The following ZSCAN30 variants were observed in gnomAD, a reference collection of about 807,000 sequenced individuals.
The protein encoded by ZSCAN30 is zinc finger and SCAN domain containing 30.
In ZSCAN30, 37 loss-of-function variants were observed where a neutral mutation model predicts 44.3. The ratio of observed to expected loss-of-function variants is 0.84; its 90% CI spans 0.64 to 1.10. The LOEUF is 1.10. Ranked by LOEUF, ZSCAN30 falls within the 50% of genes least tolerant of loss-of-function variation. The pLI is 0.00. For synonymous variants in ZSCAN30, 181 were observed against 204.6 expected, an observed-to-expected ratio of 0.88 and a Z score of 0.98; for missense variants, 549 against 582.6, an observed-to-expected ratio of 0.94 and a Z score of 0.59.
chr18:35,263,443 A>C, intron 3 of ZSCAN30, 70 bp downstream of exon 3: 1 of 1,588,382 alleles, frequency 6.3e-7, no homozygotes, highest in East Asian at 2.3e-5. Context: ...TGTCGTTAAG[A>C]AAATGAACCG....
chr18:35,272,152 G>A (rs868074357), intron 1 of ZSCAN30, among the ~76,000 whole-genome samples: 2 of 152,176 alleles, frequency 1.3e-5, no homozygotes, highest in Non-Finnish European at 2.9e-5. Context: ...GAGAGCGAGC[G>A]AGGGCTGCTA....
chr18:35,289,042 A>C (rs1023610523), intron 1 of ZSCAN30, among the ~76,000 whole-genome samples: 16 of 152,132 alleles, frequency 1.1e-4, no homozygotes, highest in African/African-American at 3.4e-4. Context: ...ATCTCGGCTC[A>C]CTGCAACCTC....
At chr18:35,268,612 G>C (rs889739627) in intron 1 of ZSCAN30, 1 of 152,198 alleles carries the variant, frequency 6.6e-6, no homozygotes, top group African/African-American at 2.4e-5. Context: ...TTGCTGCAGA[G>C]AGCCGAAAGA....
rs993809235 is a variant in ZSCAN30 at position 35,255,703 on chromosome 18, G to A, written c.554-1322C>T. ...AACACAACAATAAAGCACCACAATT[G>A]ATACCTGATCAAAGCAGAGGGTTGT... On this transcript the variant is annotated intron_variant, in intron 3 of 3. Transcript: ENST00000333206. 1.9e-5 allele frequency: 3 copies of A among 154,306 alleles called. No individual in the cohort carries two copies. In the Admixed American group the frequency reaches 2.0e-4, roughly 10 times the overall value. 9.6% of individuals were successfully genotyped at this position (154,306 alleles called of 1,614,324 possible). A position where few individuals can be genotyped will look rare whatever the true frequency, so the allele number is the denominator to read the frequency against.
chr18:35,287,767 G>A (rs1187323902), intron 1 of ZSCAN30, among the ~76,000 whole-genome samples: 1 of 151,556 alleles, frequency 6.6e-6, no homozygotes, highest in Non-Finnish European at 1.5e-5. Context: ...AGAGCCAATT[G>A]ATAAACTGTG....
At chr18:35,260,969 G>A (rs1186663520) in intron 3 of ZSCAN30, 1 of 152,096 alleles carries the variant, frequency 6.6e-6, no homozygotes, top group African/African-American at 2.4e-5. Context: ...TTTTACTAGG[G>A]ATTTTATAGT....
At position 35,271,512 on chromosome 18, in the gene ZSCAN30, T is replaced by A. The variant is rs192157175; in HGVS notation, c.-103-7057A>T. Among the ~76,000 whole-genome samples, 47 of 152,360 alleles carry A rather than the reference T, an allele frequency of 3.1e-4. 1 individual carries two copies. The highest frequency in any genetic ancestry group is 3.1e-3 in the Admixed American group (47 of 15,312). On this transcript the variant is annotated intron_variant, in intron 1 of 3. Coordinates refer to ENST00000333206, the MANE Select transcript of ZSCAN30 (RefSeq NM_001112734.4). ...CCTTGAACTAGACACAGAGTGCTGA[T>A]TGGTGCATATACAACTCTCTGGCTA...
At chr18:35,278,734 C>T (rs2044406999) in intron 1 of ZSCAN30, among the ~76,000 whole-genome samples, 1 of 152,214 alleles carries the variant, frequency 6.6e-6, no homozygotes, top group South Asian at 2.1e-4. Context: ...AAACAAGCTA[C>T]ACCTTCTACT....
At chr18:35,268,284 T>A (rs1354203711) in intron 1 of ZSCAN30, 2 of 152,244 alleles carry the variant, frequency 1.3e-5, no homozygotes, top group Non-Finnish European at 2.9e-5. Flanking sequence ...TGCAGGGTAT[T>A]CACATATAAC....
In ZSCAN30 at chr18:35,260,617, G is replaced by A. The variant is rs570912293; in HGVS notation, c.553+2896C>T. The A allele has an allele frequency of 3.9e-5, 6 of 152,320 alleles. No individual in the cohort carries two copies. In the South Asian group the frequency reaches 1.0e-3, roughly 26 times the overall value. 9.4% of individuals were successfully genotyped at this position (152,320 alleles called of 1,614,324 possible). ...TTGCATTTCTCTAATGATCAGTGAT[G>A]TTGAGCTATTTTTTATATATTTTTT... On this transcript the variant is annotated intron_variant, in intron 3 of 3. Transcript: ENST00000333206.
At chr18:35,270,036 G>A (rs1433480926) in intron 1 of ZSCAN30, 1 of 152,140 alleles carries the variant, frequency 6.6e-6, no homozygotes. Context: ...GGGGAGGGGA[G>A]AGTGATATAT....
chr18:35,254,565 A>G (rs1306594101), intron 3 of ZSCAN30, 184 bp from the exon 4 acceptor site: 9 of 1,009,808 alleles, frequency 8.9e-6, no homozygotes, highest in Non-Finnish European at 1.3e-5. Context: ...CCCCTTGGAG[A>G]GTAAGGTAGA....
intron 1 of ZSCAN30, among the ~76,000 whole-genome samples, chr18:35,266,507 G>C (rs1190519410): frequency 6.6e-6 from 1 of 152,120 alleles, no homozygotes; most frequent in Non-Finnish European, 1.5e-5. Context: ...CTTGTGACTA[G>C]AGGATGATGG....
chr18:35,271,318 G>T (rs184611944), intron 1 of ZSCAN30, among the ~76,000 whole-genome samples: 20 of 152,124 alleles, frequency 1.3e-4, no homozygotes, highest in African/African-American at 4.8e-4. Context: ...TGATTGGTGC[G>T]TTTACAATCC....
In ZSCAN30 at chr18:35,253,689, T is replaced by C; in HGVS notation, c.1246A>G (p.Ile416Val). 1 of 1,614,132 alleles carries C rather than the reference T, an allele frequency of 6.2e-7. No individual in the cohort carries two copies. Among genetic ancestry groups the C allele is most frequent in the Non-Finnish European group, 8.5e-7 (1 of 1,180,012 alleles). The change falls in exon 4 of 4, where the codon ATT (isoleucine) becomes GTT (valine). Residue 416 changes from isoleucine to valine, a missense_variant. Physicochemically the swap from Ile to Val is conservative, Grantham distance 29 (BLOSUM62 3). Coordinates refer to ENST00000333206, the MANE Select transcript of ZSCAN30 (RefSeq NM_001112734.4). ...IHTGDKSYEC[I>V]ACGKAFGRSS... The stretch of plus-strand genomic sequence containing the variant: ...CTACCAAAAGCCTTACCACATGCAA[T>C]ACATTCATAGCTTTTATCTCCAGTG...
At chr18:35,273,651 TAA>T in intron 1 of ZSCAN30, among the ~76,000 whole-genome samples, 1 of 152,228 alleles carries the variant, frequency 6.6e-6, no homozygotes. Context: ...GCAACCTTGT[TAA>T]AAATCAGTTG....
chr18:35,255,543 T>C (rs1164391094), intron 3 of ZSCAN30, among the ~76,000 whole-genome samples: 3 of 152,086 alleles, frequency 2.0e-5, no homozygotes, highest in Non-Finnish European at 4.4e-5. Flanking sequence ...GCCTTCCATA[T>C]TGGAAGGATG....
rs2044101981 is a variant in ZSCAN30 at position 35,264,340 on chromosome 18, C to T, written c.13G>A (p.Ala5Thr). 2.5e-6 allele frequency: 4 copies of T among 1,612,906 alleles called. No individual in the cohort carries two copies. The highest frequency in any genetic ancestry group is 2.2e-5 in the East Asian group (1 of 44,880). Reference sequence around the variant, plus strand: ...GGAGCATGGTAGGCCAAGACTGTGGCCTCTCCTGACATTCTGGGCAGAGAC... The same window carrying T: ...GGAGCATGGTAGGCCAAGACTGTGGTCTCTCCTGACATTCTGGGCAGAGAC... Reference protein sequence around the residue: MSGEATVLAYHAPEE... With the variant: MSGETTVLAYHAPEE... Residue 5 changes from alanine to threonine, a missense_variant, in exon 2 of 4, where the codon GCC becomes ACC. Physicochemically the swap from Ala to Thr is moderately conservative, Grantham distance 58. Transcript: ENST00000333206.
chr18:35,255,547 A>G (rs1424271410), intron 3 of ZSCAN30, among the ~76,000 whole-genome samples: 2 of 152,118 alleles, frequency 1.3e-5, no homozygotes, highest in African/African-American at 4.8e-5. Flanking sequence ...TCCATATTGG[A>G]AGGATGCAGG....
Sources: allele counts gnomAD v4.1 joint callset (sites outside exome capture counted in the v4.1 genomes callset), GRCh38; gene constraint gnomAD v4.1.1; transcripts MANE v1.5; gene names NCBI Gene and HGNC (gene_info 2026-07-23, HGNC 2026-07-21).